Variants in RYR3 observed in about 807,000 individuals in gnomAD.
RYR3 encodes ryanodine receptor 3, also known as brain ryanodine receptor-calcium release channel.
Under a neutral mutation model 584.3 loss-of-function variants are expected in RYR3, and 207 were observed. That is an observed-to-expected ratio of 0.35 (90% CI 0.32 to 0.40). The LOEUF (loss-of-function observed/expected upper bound fraction) is 0.40, where lower values mean the gene tolerates loss of function less well. Ranked by LOEUF, RYR3 falls within the 10% of genes least tolerant of loss-of-function variation. The probability of loss-of-function intolerance (pLI) is 1.00; values close to 1 mark genes in which losing one functional copy is unlikely to be tolerated. For missense variants in RYR3, 5,616 were observed against 6,089.2 expected (o/e 0.92, Z 2.59); for synonymous variants, 2,416 against 2,248.5 (o/e 1.07, Z -2.11).
At chr15:33,472,309 C>A (rs1033777765) in intron 1 of RYR3, among the ~76,000 whole-genome samples, 5 of 152,178 alleles carry the variant, frequency 3.3e-5, no homozygotes, top group Non-Finnish European at 5.9e-5. Context: ...CAGGTGGGAC[C>A]ATTTTATTTT....
chr15:33,774,135 G>A (rs2073828541), intron 64 of RYR3, among the ~76,000 whole-genome samples: 1 of 152,210 alleles, frequency 6.6e-6, no homozygotes, highest in Admixed American at 6.5e-5. Context: ...TGAGCAAGCT[G>A]ACTGCAGAAG....
chr15:33,464,737 G>A (rs963983737), intron 1 of RYR3, among the ~76,000 whole-genome samples: 4 of 151,896 alleles, frequency 2.6e-5, no homozygotes, highest in African/African-American at 9.7e-5. Flanking sequence ...ACCTTTGTGT[G>A]TGTGTGATAA....
At chr15:33,529,333 A>C (rs1332726431) in intron 3 of RYR3, among the ~76,000 whole-genome samples, 2 of 152,190 alleles carry the variant, frequency 1.3e-5, no homozygotes, top group Non-Finnish European at 2.9e-5. Flanking sequence ...ATGTGACATG[A>C]AAAATCATCT....
In RYR3 at chr15:33,853,693, CT is replaced by C; in HGVS notation, c.13799+13del. 1 of 1,609,808 alleles carries C rather than the reference CT, an allele frequency of 6.2e-7. No homozygotes were observed. Among genetic ancestry groups the C allele is most frequent in the East Asian group, 2.2e-5 (1 of 44,842 alleles). On this transcript the variant is annotated intron_variant, in intron 96 of 103. Coordinates refer to ENST00000634891, the MANE Select transcript of RYR3 (RefSeq NM_001036.6). Reference sequence around the variant, plus strand: ...TTCTCTGGTGTCATGGTACAAAAAGCTTAGGAGTTCAAATCCAAAGCAGCTA... The same window carrying C: ...TTCTCTGGTGTCATGGTACAAAAAGCTAGGAGTTCAAATCCAAAGCAGCTA...
At chr15:33,854,203 A>AG (rs1289048452) in intron 96 of RYR3, among the ~76,000 whole-genome samples, 186 bp from the exon 97 acceptor site, 5 of 151,566 alleles carry the variant, frequency 3.3e-5, no homozygotes, top group Non-Finnish European at 7.4e-5. Flanking sequence ...TTCAAAAAAA[A>AG]AAAAAAATTC....
At chr15:33,522,263 A>C (rs994039143) in intron 3 of RYR3, among the ~76,000 whole-genome samples, 1 of 143,822 alleles carries the variant, frequency 7.0e-6, no homozygotes, top group South Asian at 2.2e-4. Flanking sequence ...ACTCCATCTC[A>C]AAAAAAAAAA....
chr15:33,312,052 A>C (rs945056411), intron 1 of RYR3, among the ~76,000 whole-genome samples: 1 of 152,238 alleles, frequency 6.6e-6, no homozygotes, highest in African/African-American at 2.4e-5. Context: ...TGTAAAATAA[A>C]ATGTAACCAG....
chr15:33,815,180 G>A (rs2076751522), intron 74 of RYR3, among the ~76,000 whole-genome samples: 1 of 152,068 alleles, frequency 6.6e-6, no homozygotes, highest in Admixed American at 6.6e-5. Flanking sequence ...ACCAAATCAA[G>A]TAGAATTCAT....
In RYR3 at chr15:33,722,836, C is replaced by T. The variant is rs775168263; in HGVS notation, c.6741C>T (p.Ala2247=). The T allele has an allele frequency of 3.7e-6, 6 of 1,610,616 alleles. No individual in the cohort carries two copies. Among genetic ancestry groups the T allele is most frequent in the Non-Finnish European group, 5.1e-6 (6 of 1,178,568 alleles). ...GGCTCTTGGCAGCCATGCAGGGTGC[C>T]ATTAAGATCTCTGAGAACCCAGCGC... is the stretch of plus-strand genomic sequence containing the variant. ...GNGLLAAMQG[A]IKISENPALD... is the part of the protein sequence containing the mutation. The change falls in exon 44 of 104, where the codon GCC becomes GCT. Residue 2247 remains alanine, a synonymous_variant. Coordinates refer to ENST00000634891, the MANE Select transcript of RYR3 (RefSeq NM_001036.6).
rs2072170141 is a variant in RYR3, at chr15:33,759,103, C to T, written c.8705+1507C>T. 1.3e-5 allele frequency among the ~76,000 whole-genome samples: 2 copies of T among 152,120 alleles called. 1 individual carries two copies. Among genetic ancestry groups the T allele is most frequent in the South Asian group, 4.2e-4 (2 of 4,812 alleles). On this transcript the variant is annotated intron_variant, in intron 60 of 103. Transcript: ENST00000634891. ...AAACAGAAAGCAATAGCATCAACAT[C>T]AACAAAAACGACACCCATGCAAAAG... is the stretch of plus-strand genomic sequence containing the variant.
At chr15:33,533,436 C>CT in intron 5 of RYR3, 47 bp downstream of exon 5, 1 of 1,370,474 alleles carries the variant, frequency 7.3e-7, no homozygotes, top group Non-Finnish European at 1.0e-6. Flanking sequence ...GGGTCTTGGG[C>CT]TAAGGGGCTT....
At chr15:33,381,449 G>A (rs1340354540) in intron 1 of RYR3, among the ~76,000 whole-genome samples, 2 of 152,148 alleles carry the variant, frequency 1.3e-5, no homozygotes, top group East Asian at 1.9e-4. Flanking sequence ...TGAACCTTGA[G>A]CATCTCAGTT....
chr15:33,659,945 C>G lies in RYR3; in HGVS notation c.4395+139C>G, dbSNP rs992807233. 3 of 665,446 alleles carry G rather than the reference C, an allele frequency of 4.5e-6. No individual in the cohort carries two copies. The African/African-American group carries it at 5.4e-5, about 12-fold the overall frequency. 41.2% of individuals were successfully genotyped at this position (665,446 alleles called of 1,614,324 possible). On this transcript the variant is annotated intron_variant, in intron 33 of 103. Transcript: ENST00000634891. Reference sequence around the variant, plus strand: ...CCCCCACCCCCAGGCCCTGCCCTTTCCTGTGGCATTCAGATGGTAGAATAT... The same window carrying G: ...CCCCCACCCCCAGGCCCTGCCCTTTGCTGTGGCATTCAGATGGTAGAATAT...
chr15:33,383,717 G>C (rs1348946128), intron 1 of RYR3, among the ~76,000 whole-genome samples: 1 of 152,082 alleles, frequency 6.6e-6, no homozygotes, highest in Non-Finnish European at 1.5e-5. Flanking sequence ...CCCCCATCTA[G>C]CAGTCCCCAG....
intron 58 of RYR3, 128 bp downstream of exon 58, chr15:33,755,308 T>A (rs1216401180): frequency 1.5e-6 from 1 of 666,308 alleles, no homozygotes; most frequent in Non-Finnish European, 2.6e-6. Flanking sequence ...TGGCTGAAAT[T>A]TTTTTCCCCC....
intron 1 of RYR3, chr15:33,467,506 G>A (rs2048586239): frequency 4.1e-6 from 4 of 983,390 alleles, no homozygotes; most frequent in Non-Finnish European, 4.8e-6. Flanking sequence ...AAAGAAAGCT[G>A]TAAGGATAAA....
At chr15:33,846,479 T>C (rs1000669267) in intron 93 of RYR3, among the ~76,000 whole-genome samples, 2 of 152,194 alleles carry the variant, frequency 1.3e-5, no homozygotes, top group African/African-American at 4.8e-5. Flanking sequence ...ATAATTGTGT[T>C]TTTCTCACTG....
At chr15:33,544,780 G>A (rs1223362632) in intron 8 of RYR3, among the ~76,000 whole-genome samples, 1 of 152,164 alleles carries the variant, frequency 6.6e-6, no homozygotes, top group Non-Finnish European at 1.5e-5. Context: ...TGACCCAGAA[G>A]GGTGCCTAGG....
chr15:33,756,313 T>A lies in RYR3; in HGVS notation c.8523T>A (p.Ile2841=). 6.3e-7 allele frequency: 1 copy of A among 1,577,062 alleles called. No individual in the cohort carries two copies. Among genetic ancestry groups the A allele is most frequent in the Non-Finnish European group, 8.6e-7 (1 of 1,160,306 alleles). The change falls in exon 59 of 104, where the codon ATT becomes ATA. Residue 2841 remains isoleucine (I), a synonymous_variant. Transcript: ENST00000634891. ...AQEFIAHLEA[I]VSSGKTEKSP... ...TTACCTGTGTCTTCGTAGAAGCCAT[T>A]GTCAGCAGTGGGAAAACTGAAAAGT...
Sources: gnomAD v4.1 joint callset for allele counts (sites outside exome capture counted in the v4.1 genomes callset) on GRCh38, gnomAD v4.1.1 for gene constraint, MANE v1.5 for transcripts, NCBI Gene and HGNC (gene_info 2026-07-23, HGNC 2026-07-21) for gene names.